Variants in PARD3 observed in about 807,000 individuals in gnomAD.
PARD3 encodes the protein partitioning defective 3 homolog.
A neutral mutation model predicts 155.4 loss-of-function variants in PARD3; 75 were observed. The observed-to-expected ratio is 0.48, with a 90% CI of 0.40 to 0.58. PARD3 has a LOEUF of 0.58. Among genes scored for constraint, PARD3 ranks in the 20% least tolerant of loss-of-function variants. The pLI is 0.00. For missense variants in PARD3, 1,642 were observed against 1,721.7 expected (o/e 0.95, Z 0.82); for synonymous variants, 576 against 610.5 (o/e 0.94, Z 0.83).
At chr10:34,649,250 C>G (rs1226406013) in intron 2 of PARD3, among the ~76,000 whole-genome samples, 1 of 152,118 alleles carries the variant, frequency 6.6e-6, no homozygotes, top group Non-Finnish European at 1.5e-5. Flanking sequence ...TTGAGATCGG[C>G]CTGGGAAACA....
At chr10:34,696,893 T>C (rs1477743174) in intron 1 of PARD3, among the ~76,000 whole-genome samples, 1 of 151,956 alleles carries the variant, frequency 6.6e-6, no homozygotes, top group African/African-American at 2.4e-5. Flanking sequence ...AAGTGTTTCT[T>C]ACAAATAGGT....
intron 3 of PARD3, among the ~76,000 whole-genome samples, chr10:34,489,550 T>C (rs1347755750): frequency 4.6e-5 from 7 of 152,214 alleles, no homozygotes; most frequent in Non-Finnish European, 1.0e-4. Flanking sequence ...TGGCGATTAA[T>C]AAAGCCATTT....
intron 22 of PARD3, among the ~76,000 whole-genome samples, chr10:34,135,326 ATGAAGAGGGTTTGCTTT>A (rs1257634806): frequency 5.3e-5 from 8 of 152,196 alleles, no homozygotes; most frequent in South Asian, 2.1e-4. Flanking sequence ...TTCTAACTAA[ATGAAGAGGGTTTGCTTT>A]TGGTTCAGTA....
intron 20 of PARD3, among the ~76,000 whole-genome samples, chr10:34,291,454 T>C (rs1956671348): frequency 6.6e-6 from 1 of 152,252 alleles, no homozygotes; most frequent in Admixed American, 6.5e-5. Context: ...GAATGTTCTT[T>C]TGATTATTTA....
At chr10:34,660,630 C>A (rs2093300136) in intron 2 of PARD3, among the ~76,000 whole-genome samples, 1 of 152,022 alleles carries the variant, frequency 6.6e-6, no homozygotes, top group Non-Finnish European at 1.5e-5. Context: ...GTGTATCTGT[C>A]ATCCGCTCAC....
At chr10:34,734,723 C>A (rs1196801298) in intron 1 of PARD3, among the ~76,000 whole-genome samples, 1 of 151,954 alleles carries the variant, frequency 6.6e-6, no homozygotes, top group African/African-American at 2.4e-5. Context: ...CAAAATCAAT[C>A]CCATATGAAT....
At chr10:34,419,706 A>C (rs1271618731) in intron 5 of PARD3, among the ~76,000 whole-genome samples, 1 of 152,290 alleles carries the variant, frequency 6.6e-6, no homozygotes, top group African/African-American at 2.4e-5. Flanking sequence ...AAAGTATATA[A>C]AATACAATAT....
intron 7 of PARD3, 148 bp downstream of exon 7, chr10:34,399,180 CAT>C (rs1444555359): frequency 6.5e-6 from 4 of 619,298 alleles, no homozygotes; most frequent in South Asian, 2.0e-5. Context: ...GTGATTATGA[CAT>C]ATATATAGGA....
At chr10:34,723,608 AATCAG>A (rs1211694396) in intron 1 of PARD3, among the ~76,000 whole-genome samples, 3 of 152,236 alleles carry the variant, frequency 2.0e-5, no homozygotes, top group Non-Finnish European at 2.9e-5. Context: ...ATTAGATATC[AATCAG>A]ATCATAGTAA....
rs557700284 is a variant in PARD3, at chr10:34,365,829, C to G, written c.1708-5570G>C. Reference sequence around the variant, plus strand: ...TCTGAAACTCCTGACCTCAGGTGACCCGCCCACCTTGGCCTCCCAAAGTGC... The same window carrying G: ...TCTGAAACTCCTGACCTCAGGTGACGCGCCCACCTTGGCCTCCCAAAGTGC... On this transcript the variant is annotated intron_variant, in intron 12 of 24. Transcript: ENST00000374788. 7.9e-5 allele frequency among the ~76,000 whole-genome samples: 12 copies of G among 152,216 alleles called. No individual in the cohort carries two copies. In the East Asian group the frequency reaches 2.3e-3, roughly 29 times the overall value.
At chr10:34,487,782 T>C (rs1168498887) in intron 3 of PARD3, among the ~76,000 whole-genome samples, 2 of 152,198 alleles carry the variant, frequency 1.3e-5, no homozygotes, top group Admixed American at 6.5e-5. Context: ...AAATTCCTCA[T>C]ATCACTTTCA....
At chr10:34,182,751 A>G (rs939783723) in intron 22 of PARD3, among the ~76,000 whole-genome samples, 3 of 151,806 alleles carry the variant, frequency 2.0e-5, no homozygotes, top group African/African-American at 7.3e-5. Flanking sequence ...TTAAAAAAAA[A>G]AAAAAAAAAA....
At chr10:34,508,514 CT>C (rs2081217225) in intron 3 of PARD3, among the ~76,000 whole-genome samples, 2 of 152,030 alleles carry the variant, frequency 1.3e-5, no homozygotes, top group South Asian at 2.1e-4. Context: ...AAATATCTGA[CT>C]TCTACAAAAA....
intron 1 of PARD3, among the ~76,000 whole-genome samples, chr10:34,771,455 GTTA>G (rs573487383): frequency 7.6e-4 from 116 of 152,334 alleles, no homozygotes; most frequent in African/African-American, 2.6e-3. Context: ...GCTGGCTACA[GTTA>G]TTATCACCAT....
chr10:34,314,542 G>A (rs1957888640), intron 20 of PARD3, among the ~76,000 whole-genome samples: 1 of 152,154 alleles, frequency 6.6e-6, no homozygotes, highest in Admixed American at 6.5e-5. Flanking sequence ...CTGCCACTCT[G>A]GTCAAAGGTA....
At chr10:34,589,625 A>G (rs2088460155) in intron 2 of PARD3, among the ~76,000 whole-genome samples, 1 of 135,608 alleles carries the variant, frequency 7.4e-6, no homozygotes, top group Non-Finnish European at 1.6e-5. Context: ...AAACTAATAT[A>G]AGTACATGTC....
intron 7 of PARD3, among the ~76,000 whole-genome samples, chr10:34,386,216 GTA>G (rs2132036901): frequency 6.6e-6 from 1 of 152,194 alleles, no homozygotes; most frequent in Admixed American, 6.5e-5. Flanking sequence ...ACCTACTAGT[GTA>G]TGAGTCTAAA....
intron 22 of PARD3, among the ~76,000 whole-genome samples, chr10:34,144,214 A>G (rs112345479): frequency 0.01 from 1,545 of 152,254 alleles, 30 homozygotes; most frequent in African/African-American, 0.036. Context: ...TTTTCAAAGT[A>G]ATACTACATG....
chr10:34,358,305 G>A (rs901754873), intron 14 of PARD3, among the ~76,000 whole-genome samples: 2 of 152,104 alleles, frequency 1.3e-5, no homozygotes, highest in African/African-American at 4.8e-5. Context: ...TGGGAAAATA[G>A]ATGATCCTAC....
Sources: allele counts gnomAD v4.1 joint callset (sites outside exome capture counted in the v4.1 genomes callset), GRCh38; gene constraint gnomAD v4.1.1; transcripts MANE v1.5; gene names NCBI Gene and HGNC (gene_info 2026-07-23, HGNC 2026-07-21).